The following S100A13 variants were observed in gnomAD, a reference collection of about 807,000 sequenced individuals.
The protein encoded by S100A13 is protein S100-A13.
A neutral mutation model predicts 8.2 loss-of-function variants in S100A13; 6 were observed. That is an observed-to-expected ratio of 0.73 (90% CI 0.40 to 1.44). The LOEUF (loss-of-function observed/expected upper bound fraction) is 1.44, where lower values mean the gene tolerates loss of function less well. Ranked by LOEUF, S100A13 falls within the 40% of genes most tolerant of loss-of-function variation. S100A13 has a pLI of 0.02. For synonymous variants in S100A13, 39 were observed against 45.9 expected, an observed-to-expected ratio of 0.85 and a Z score of 0.61; for missense variants, 114 against 113.6, an observed-to-expected ratio of 1.00 and a Z score of -0.02.
At chr1:153,625,154 C>A (rs1667530169) in intron 2 of S100A13, among the ~76,000 whole-genome samples, 1 of 152,122 alleles carries the variant, frequency 6.6e-6, no homozygotes, top group Non-Finnish European at 1.5e-5. Flanking sequence ...AGGAGGATTG[C>A]CTGAGCCCGG....
upstream of S100A13, chr1:153,631,545 C>T (rs772433415): frequency 6.2e-7 from 1 of 1,613,932 alleles, no homozygotes; most frequent in South Asian, 1.1e-5. Flanking sequence ...AACAGAAGCC[C>T]TCAAGACCTT....
Position 153,627,481 on chromosome 1 carries a change from AC to A in S100A13, c.-62+1del, listed in dbSNP as rs1667736529. On this transcript the variant is annotated splice_donor_variant, in intron 1 of 2. Coordinates refer to ENST00000476133, the MANE Select transcript of S100A13 (RefSeq NM_001024211.2). LOFTEE classifies it low-confidence loss of function (5UTR_SPLICE). ...CCCTCCAGGGTCAGCCATGAGACTCACCCGGCAAGGAGATGGGGTAGAGTGA... is the reference window on the plus strand; with the variant it reads ...CCCTCCAGGGTCAGCCATGAGACTCACCGGCAAGGAGATGGGGTAGAGTGA... 6.6e-6 allele frequency: 1 copy of A among 152,436 alleles called. No homozygotes were observed. Among genetic ancestry groups the A allele is most frequent in the South Asian group, 2.1e-4 (1 of 4,848 alleles). 9.4% of individuals were successfully genotyped at this position (152,436 alleles called of 1,614,324 possible).
At chr1:153,623,106 G>T (rs1557923562) in intron 2 of S100A13, among the ~76,000 whole-genome samples, 2 of 152,018 alleles carry the variant, frequency 1.3e-5, no homozygotes, top group South Asian at 4.1e-4. Context: ...AAAAAAAGAG[G>T]TATCAGTTGT....
upstream of S100A13, chr1:153,628,254 G>A (rs983606076): frequency 1.8e-5 from 28 of 1,532,094 alleles, no homozygotes; most frequent in East Asian, 3.2e-4. Context: ...AGAAAGGAAC[G>A]GGGCAAGCAA....
At chr1:153,623,134 A>T (rs1387470425) in intron 2 of S100A13, among the ~76,000 whole-genome samples, 2 of 152,120 alleles carry the variant, frequency 1.3e-5, no homozygotes, top group Non-Finnish European at 2.9e-5. Context: ...TAAGAACGAT[A>T]CAGTGGAGAA....
At chr1:153,631,450 G>C, upstream of S100A13, 1 of 1,567,590 alleles carries the variant, frequency 6.4e-7, no homozygotes, top group Non-Finnish European at 8.7e-7. Context: ...CTAGTGTAGT[G>C]CTTGCTTTAT....
At chr1:153,627,872 C>T (rs1667762731), upstream of S100A13, 1 of 700,238 alleles carries the variant, frequency 1.4e-6, no homozygotes, top group African/African-American at 1.8e-5. Context: ...ATCTGAGACA[C>T]ACACAGAGGC....
chr1:153,622,021 G>A (rs949857140), intron 2 of S100A13, among the ~76,000 whole-genome samples: 1 of 151,990 alleles, frequency 6.6e-6, no homozygotes, highest in Non-Finnish European at 1.5e-5. Flanking sequence ...ATGAAGTGTG[G>A]GTAGCCATAT....
upstream of S100A13, among the ~76,000 whole-genome samples, chr1:153,633,423 G>T (rs1369977133): frequency 6.6e-6 from 1 of 152,142 alleles, no homozygotes; most frequent in African/African-American, 2.4e-5. Context: ...AACACGGATG[G>T]CAGGTGTGGG....
At chr1:153,631,741 T>C (rs772428031), upstream of S100A13, 2 of 1,614,216 alleles carry the variant, frequency 1.2e-6, no homozygotes, top group South Asian at 2.2e-5. Flanking sequence ...ATGAAGGAGC[T>C]AGACGAGAAT....
upstream of S100A13, chr1:153,628,271 G>C (rs183317540): frequency 4.1e-5 from 63 of 1,523,508 alleles, no homozygotes; most frequent in Admixed American, 7.4e-4. Flanking sequence ...GCAAGGCTGG[G>C]AAAGAGACAA....
upstream of S100A13, chr1:153,632,150 A>G (rs1396880880): frequency 1.6e-5 from 5 of 303,706 alleles, no homozygotes; most frequent in Admixed American, 4.6e-5. Flanking sequence ...GTCAAGGTGC[A>G]TTACATCTTC....
intron 2 of S100A13, among the ~76,000 whole-genome samples, chr1:153,623,013 G>T (rs184354197): frequency 1.3e-5 from 2 of 152,032 alleles, no homozygotes; most frequent in Non-Finnish European, 2.9e-5. Context: ...TCACTTGAGC[G>T]TAGGAGGTAG....
At chr1:153,625,448 G>T (rs1159479605) in intron 2 of S100A13, among the ~76,000 whole-genome samples, 3 of 152,252 alleles carry the variant, frequency 2.0e-5, no homozygotes, top group African/African-American at 7.2e-5. Context: ...CAGCCTGTGA[G>T]TGCGAGAGAA....
rs1197190314 is a variant in S100A13, at chr1:153,626,482, G to A, written c.-10C>T. On this transcript the variant is annotated 5_prime_UTR_variant, in exon 2 of 3. Coordinates refer to ENST00000476133, the MANE Select transcript of S100A13 (RefSeq NM_001024211.2). ...GTGGTTCTGCTGCCATTAGGACCCT[G>A]AGGCCAAAGCTGATGTCCTCAAGGG... 1.2e-6 allele frequency: 2 copies of A among 1,614,004 alleles called. No homozygotes were observed. The highest frequency in any genetic ancestry group is 2.2e-5 in the East Asian group (1 of 44,884).
At chr1:153,622,938 A>C (rs1432152182) in intron 2 of S100A13, among the ~76,000 whole-genome samples, 1 of 152,172 alleles carries the variant, frequency 6.6e-6, no homozygotes, top group Non-Finnish European at 1.5e-5. Context: ...AAAAATTAAA[A>C]AATTAGCCAG....
rs745352118 is a variant in S100A13 at position 153,618,946 on chromosome 1, C to A, written c.246G>T (p.Glu82Asp). The A allele has an allele frequency of 6.2e-7, 1 of 1,614,108 alleles. No individual in the cohort carries two copies. The change falls in exon 3 of 3, where the codon GAG becomes GAT. Residue 82 changes from glutamate (E) to aspartate (D), a missense_variant. Coordinates refer to ENST00000476133, the MANE Select transcript of S100A13 (RefSeq NM_001024211.2). ...TCTTCTTCCTGATTTCCTTGGCCAG[C>A]TCCCCAATCAATCTCCAGTACTCAT... ...KFNEYWRLIGELAKEIRKKKD... is the reference protein window; with the variant it reads ...KFNEYWRLIGDLAKEIRKKKD...
upstream of S100A13, chr1:153,631,746 G>A (rs747362553): frequency 9.3e-6 from 15 of 1,614,112 alleles, no homozygotes; most frequent in South Asian, 2.2e-5. Flanking sequence ...GGAGCTAGAC[G>A]AGAATGGAGA....
chr1:153,628,601 T>C, upstream of S100A13: 1 of 1,479,330 alleles, frequency 6.8e-7, no homozygotes, highest in Non-Finnish European at 9.0e-7. Context: ...TGTGGAGCAC[T>C]GAGGATCTGG....
Sources: allele counts gnomAD v4.1 joint callset (sites outside exome capture counted in the v4.1 genomes callset), GRCh38; gene constraint gnomAD v4.1.1; transcripts MANE v1.5; gene names NCBI Gene and HGNC (gene_info 2026-07-23, HGNC 2026-07-21).